TXLNB: variants seen among roughly 807,000 people sequenced by gnomAD.
TXLNB encodes the protein beta-taxilin.
TXLNB carries 37 observed loss-of-function variants against 57.4 expected under a neutral mutation model. The observed-to-expected ratio is 0.64, with a 90% CI of 0.50 to 0.85. TXLNB has a LOEUF of 0.85. TXLNB is among the 40% of genes least tolerant of loss of function. The pLI, the probability that TXLNB is intolerant of heterozygous loss-of-function variation, is 0.00. For missense variants in TXLNB, 848 were observed against 825.6 expected (o/e 1.03, Z -0.33); for synonymous variants, 302 against 309.6 (o/e 0.98, Z 0.26).
At chr6:139,160,206 C>T in the TXLNB span, among the ~76,000 whole-genome samples, 1 of 152,184 alleles carries the variant, frequency 6.6e-6, no homozygotes, top group Non-Finnish European at 1.5e-5. Flanking sequence ...GTACTGACTA[C>T]TTGATGATGA....
intron 2 of TXLNB, among the ~76,000 whole-genome samples, chr6:139,279,984 C>T (rs2114607238): frequency 6.6e-6 from 1 of 152,078 alleles, no homozygotes; most frequent in African/African-American, 2.4e-5. Context: ...ATCAAAGAAA[C>T]AAAAAAACTG....
the TXLNB span, among the ~76,000 whole-genome samples, chr6:139,310,312 A>T: frequency 6.6e-6 from 1 of 152,250 alleles, no homozygotes; most frequent in Non-Finnish European, 1.5e-5. Context: ...TATAAAAGAT[A>T]GGCAATGGAC....
intron 9 of TXLNB, among the ~76,000 whole-genome samples, chr6:139,244,127 TG>T (rs2114426885): frequency 6.6e-6 from 1 of 152,306 alleles, no homozygotes; most frequent in Non-Finnish European, 1.5e-5. Context: ...AAATGTCTAT[TG>T]GAGGAATTAA....
the TXLNB span, among the ~76,000 whole-genome samples, chr6:139,315,569 A>G: frequency 3.4e-4 from 52 of 152,368 alleles, no homozygotes; most frequent in Admixed American, 2.4e-3. Context: ...ACTCATATGA[A>G]TGTTGTAATA....
chr6:139,215,760 G>T, the TXLNB span, among the ~76,000 whole-genome samples: 2 of 152,116 alleles, frequency 1.3e-5, no homozygotes, highest in African/African-American at 4.8e-5. Flanking sequence ...AATCTATAAT[G>T]AACTCAAACA....
At chr6:139,193,531 T>C in the TXLNB span, among the ~76,000 whole-genome samples, 8 of 152,100 alleles carry the variant, frequency 5.3e-5, no homozygotes, top group African/African-American at 1.9e-4. Flanking sequence ...CTTCTTATTC[T>C]AGGACCCCAG....
At chr6:139,184,317 T>C in the TXLNB span, among the ~76,000 whole-genome samples, 1,091 of 152,122 alleles carry the variant, frequency 7.2e-3, 4 homozygotes, top group South Asian at 0.014. Flanking sequence ...GACAAGGGAG[T>C]AGATTTAAAA....
At chr6:139,170,949 A>G in the TXLNB span, among the ~76,000 whole-genome samples, 1 of 152,152 alleles carries the variant, frequency 6.6e-6, no homozygotes, top group Non-Finnish European at 1.5e-5. Context: ...AAGAAAAATT[A>G]CAGCTTGTGA....
chr6:139,159,859 A>G, the TXLNB span, among the ~76,000 whole-genome samples: 30 of 152,338 alleles, frequency 2.0e-4, no homozygotes, highest in African/African-American at 7.0e-4. Flanking sequence ...CCACCTGCTT[A>G]TGGTGCAGCT....
At chr6:139,258,946 TG>T (rs1252085609) in intron 6 of TXLNB, among the ~76,000 whole-genome samples, 1 of 152,168 alleles carries the variant, frequency 6.6e-6, no homozygotes, top group Non-Finnish European at 1.5e-5. Flanking sequence ...GGGGAGTGCT[TG>T]GGGTTAATGA....
the TXLNB span, among the ~76,000 whole-genome samples, chr6:139,193,241 C>CTTTTTTT: frequency 6.9e-3 from 698 of 101,144 alleles, 35 homozygotes; most frequent in African/African-American, 0.021. Context: ...CTTTGACCCT[C>CTTTTTTT]TTTTTTTTTT....
chr6:139,231,880 A>T, the TXLNB span, among the ~76,000 whole-genome samples: 2 of 152,218 alleles, frequency 1.3e-5, no homozygotes, highest in African/African-American at 4.8e-5. Context: ...TTAAACTTGG[A>T]TACTTTTATT....
chr6:139,208,087 A>G, the TXLNB span, among the ~76,000 whole-genome samples: 84 of 152,100 alleles, frequency 5.5e-4, no homozygotes, highest in South Asian at 0.013. Context: ...AACAAAAAAA[A>G]AGAGAGAGAG....
rs1217569648 is a variant in TXLNB, at chr6:139,243,299, T to C, written c.1282A>G (p.Lys428Glu). ...DMIEEKALRAKEYECFVMKIG... is the reference protein window; with the variant it reads ...DMIEEKALRAEEYECFVMKIG... ...TTCATCACAAAGCACTCATATTCTT[T>C]AGCTCTCAGTGCTTTCTGTGATGTG... is the stretch of plus-strand genomic sequence containing the variant. Residue 428 changes from lysine to glutamate, a missense_variant, in exon 10 of 10, where the codon AAA becomes GAA. Lys to Glu is a moderately conservative substitution (Grantham distance 56). Coordinates refer to ENST00000358430, the MANE Select transcript of TXLNB (RefSeq NM_153235.4). 1 of 1,609,466 alleles carries C rather than the reference T, an allele frequency of 6.2e-7. No individual in the cohort carries two copies. Among genetic ancestry groups the C allele is most frequent in the South Asian group, 1.1e-5 (1 of 90,948 alleles).
the TXLNB span, among the ~76,000 whole-genome samples, chr6:139,318,621 C>T: frequency 6.6e-6 from 1 of 151,932 alleles, no homozygotes; most frequent in African/African-American, 2.4e-5. Context: ...GGACAAAACA[C>T]ATTATTTCCA....
chr6:139,284,119 A>G lies in TXLNB; in HGVS notation c.424+4357T>C, dbSNP rs149094234. On this transcript the variant is annotated intron_variant, in intron 2 of 9. Coordinates refer to ENST00000358430, the MANE Select transcript of TXLNB (RefSeq NM_153235.4). Reference sequence around the variant, plus strand: ...CCTGCTCTTGCACTTACACTATATGACAATTAGCTTATGTGTCTTCTTCTT... The same window carrying G: ...CCTGCTCTTGCACTTACACTATATGGCAATTAGCTTATGTGTCTTCTTCTT... Among the ~76,000 whole-genome samples the G allele has an allele frequency of 6.5e-3, 945 of 145,938 alleles. 115 individuals are homozygous for G. The highest frequency in any genetic ancestry group is 0.036 in the East Asian group (180 of 5,032).
the TXLNB span, among the ~76,000 whole-genome samples, chr6:139,185,237 A>G: frequency 6.6e-6 from 1 of 152,048 alleles, no homozygotes; most frequent in Admixed American, 6.5e-5. Flanking sequence ...ACAAGGCTGC[A>G]CAGGATACCT....
intron 7 of TXLNB, among the ~76,000 whole-genome samples, chr6:139,255,207 C>T (rs891793607): frequency 5.9e-5 from 9 of 152,162 alleles, no homozygotes; most frequent in African/African-American, 1.9e-4. Context: ...GAGCAGTTTA[C>T]GTTTTCTTCT....
the TXLNB span, among the ~76,000 whole-genome samples, chr6:139,313,689 A>G: frequency 6.6e-6 from 1 of 152,106 alleles, no homozygotes; most frequent in African/African-American, 2.4e-5. Flanking sequence ...TTGAGCTGCT[A>G]TATTTTTTTT....
Sources: allele counts gnomAD v4.1 joint callset (sites outside exome capture counted in the v4.1 genomes callset), GRCh38; gene constraint gnomAD v4.1.1; transcripts MANE v1.5; gene names NCBI Gene and HGNC (gene_info 2026-07-23, HGNC 2026-07-21).